Variants in DPP6 observed in about 807,000 individuals in gnomAD.
The protein encoded by DPP6 is dipeptidyl peptidase like 6, also known as A-type potassium channel modulatory protein DPP6.
In DPP6, 69 loss-of-function variants were observed where a neutral mutation model predicts 122.6. The observed-to-expected ratio is 0.56, with a 90% CI of 0.46 to 0.69. The LOEUF (loss-of-function observed/expected upper bound fraction) is 0.69, where lower values mean the gene tolerates loss of function less well. Among genes scored for constraint, DPP6 ranks in the 30% least tolerant of loss-of-function variants. DPP6 has a pLI of 0.00. For missense variants in DPP6, 928 were observed against 1,116.9 expected (o/e 0.83, Z 2.41); for synonymous variants, 418 against 433.1 (o/e 0.97, Z 0.43).
intron 1 of DPP6, among the ~76,000 whole-genome samples, chr7:154,088,395 A>T: frequency 6.8e-6 from 1 of 146,800 alleles, no homozygotes; most frequent in East Asian, 2.0e-4. Context: ...GAACTGCTGT[A>T]TGGTGAACTC....
intron 2 of DPP6, among the ~76,000 whole-genome samples, chr7:154,453,051 C>T (rs1349664494): frequency 1.3e-5 from 2 of 152,128 alleles, no homozygotes; most frequent in African/African-American, 2.4e-5. Context: ...CCATGCACAG[C>T]GTATGCCTTT....
the DPP6 span, among the ~76,000 whole-genome samples, chr7:153,810,009 A>T: frequency 6.6e-6 from 1 of 152,220 alleles, no homozygotes; most frequent in East Asian, 1.9e-4. Context: ...GAAGGAATCC[A>T]GGCAGAGTCC....
chr7:153,901,029 T>C (rs1165855883), intron 1 of DPP6, among the ~76,000 whole-genome samples: 1 of 152,192 alleles, frequency 6.6e-6, no homozygotes, highest in Non-Finnish European at 1.5e-5. Context: ...TATGATTACT[T>C]ACAGTGGTTC....
chr7:154,259,521 A>T (rs1802862330), intron 1 of DPP6, among the ~76,000 whole-genome samples: 1 of 152,176 alleles, frequency 6.6e-6, no homozygotes, highest in Non-Finnish European at 1.5e-5. Context: ...GGTAATTGTG[A>T]TGGGAGAAAA....
chr7:154,474,651 A>G (rs1230975460), intron 2 of DPP6, among the ~76,000 whole-genome samples: 1 of 152,184 alleles, frequency 6.6e-6, no homozygotes, highest in African/African-American at 2.4e-5. Flanking sequence ...TCATAAATCA[A>G]TCCTGAAAGA....
chr7:154,003,798 C>CA (rs1219393742), intron 1 of DPP6, among the ~76,000 whole-genome samples: 3 of 152,148 alleles, frequency 2.0e-5, no homozygotes, highest in Non-Finnish European at 4.4e-5. Flanking sequence ...GACTGGGAGG[C>CA]ATGGTCCTTG....
intron 6 of DPP6, among the ~76,000 whole-genome samples, chr7:154,662,319 A>T (rs1837762898): frequency 6.6e-6 from 1 of 151,696 alleles, no homozygotes; most frequent in African/African-American, 2.4e-5. Context: ...GTCATGGTGA[A>T]TCACCATGGC....
intron 1 of DPP6, among the ~76,000 whole-genome samples, chr7:153,923,491 G>A (rs1488749557): frequency 1.3e-5 from 2 of 152,142 alleles, no homozygotes; most frequent in East Asian, 1.9e-4. Flanking sequence ...GCCCGGCGTG[G>A]TGGCTCATGC....
chr7:154,491,355 C>A (rs1824263317), intron 3 of DPP6, among the ~76,000 whole-genome samples: 1 of 152,202 alleles, frequency 6.6e-6, no homozygotes, highest in Non-Finnish European at 1.5e-5. Flanking sequence ...CCAGGTTCTT[C>A]ATTAAGCTCG....
chr7:154,177,673 T>C (rs933252813), intron 1 of DPP6, among the ~76,000 whole-genome samples: 1 of 152,202 alleles, frequency 6.6e-6, no homozygotes, highest in African/African-American at 2.4e-5. Context: ...ATCTGTGATA[T>C]GAAAATTTGG....
In DPP6 at chr7:154,663,052, C is replaced by T. The variant is rs1370755408; in HGVS notation, c.681-6308C>T. 1.5e-4 allele frequency among the ~76,000 whole-genome samples: 5 copies of T among 33,520 alleles called. 2 individuals carry two copies. Among genetic ancestry groups the T allele is most frequent in the Non-Finnish European group, 3.0e-4 (4 of 13,466 alleles). The allele number at this position is 33,520 out of a possible 152,430, so 22.0% of individuals were successfully genotyped here. On this transcript the variant is annotated intron_variant, in intron 6 of 25. Transcript: ENST00000377770. ...CATGGCGTGTTGGCCCTAGTGTTCACGCAGTCATGGTGAATCACCATGGTA... is the reference window on the plus strand; with the variant it reads ...CATGGCGTGTTGGCCCTAGTGTTCATGCAGTCATGGTGAATCACCATGGTA...
chr7:154,806,015 C>T (rs998797211), intron 15 of DPP6, among the ~76,000 whole-genome samples: 3 of 152,340 alleles, frequency 2.0e-5, no homozygotes, highest in Non-Finnish European at 2.9e-5. Flanking sequence ...CCCTGGTGAA[C>T]GCAGCCTCCC....
At chr7:154,002,054 C>T (rs1436782500) in intron 1 of DPP6, among the ~76,000 whole-genome samples, 1 of 152,154 alleles carries the variant, frequency 6.6e-6, no homozygotes, top group East Asian at 1.9e-4. Context: ...TCCAAGTTGC[C>T]ACTCTACCAA....
intron 1 of DPP6, among the ~76,000 whole-genome samples, chr7:153,972,790 A>T (rs1192859784): frequency 1.3e-5 from 2 of 151,792 alleles, no homozygotes; most frequent in African/African-American, 4.8e-5. Flanking sequence ...TGATCAGGTA[A>T]TTTGTTATCT....
intron 1 of DPP6, among the ~76,000 whole-genome samples, chr7:154,272,475 G>A (rs1464383534): frequency 6.6e-6 from 1 of 152,204 alleles, no homozygotes; most frequent in Non-Finnish European, 1.5e-5. Flanking sequence ...TACCAGTACT[G>A]TACTTGCTAC....
chr7:154,261,612 G>A (rs563081962), intron 1 of DPP6, among the ~76,000 whole-genome samples: 5 of 152,240 alleles, frequency 3.3e-5, no homozygotes, highest in African/African-American at 9.6e-5. Flanking sequence ...AACCCACAGA[G>A]TGGGGGAAAA....
At chr7:154,242,068 T>G (rs919512187) in intron 1 of DPP6, among the ~76,000 whole-genome samples, 2 of 152,224 alleles carry the variant, frequency 1.3e-5, no homozygotes, top group Non-Finnish European at 2.9e-5. Flanking sequence ...ATATTTGTGT[T>G]TCATTCCTTA....
At chr7:154,199,920 T>G (rs1260322732) in intron 1 of DPP6, among the ~76,000 whole-genome samples, 1 of 152,116 alleles carries the variant, frequency 6.6e-6, no homozygotes, top group Non-Finnish European at 1.5e-5. Flanking sequence ...CTCAGCTACT[T>G]TAAAACAAAT....
chr7:154,127,738 TTGGCCAGAC>T (rs1343011342), intron 1 of DPP6, among the ~76,000 whole-genome samples: 1 of 151,976 alleles, frequency 6.6e-6, no homozygotes, highest in Non-Finnish European at 1.5e-5. Context: ...TTGCCCAGCG[TTGGCCAGAC>T]TGTGATCTGT....
Sources: allele counts gnomAD v4.1 joint callset (sites outside exome capture counted in the v4.1 genomes callset), GRCh38; gene constraint gnomAD v4.1.1; transcripts MANE v1.5; gene names NCBI Gene and HGNC (gene_info 2026-07-23, HGNC 2026-07-21).